ZBTB5: variants seen among roughly 807,000 people sequenced by gnomAD.
ZBTB5 encodes zinc finger and BTB domain-containing protein 5.
A neutral mutation model predicts 37.9 loss-of-function variants in ZBTB5; 15 were observed. That is an observed-to-expected ratio of 0.40 (90% CI 0.26 to 0.61). The LOEUF is 0.61. Ranked by LOEUF, ZBTB5 falls within the 20% of genes least tolerant of loss-of-function variation. The pLI is 0.47. For missense variants in ZBTB5, 708 were observed against 856.8 expected (o/e 0.83, Z 2.17); for synonymous variants, 315 against 312.4 (o/e 1.01, Z -0.09).
Position 37,439,412 on chromosome 9 carries a change from T to C in ZBTB5, c.*1106A>G, listed in dbSNP as rs1253168683. 1 of 152,222 alleles carries C rather than the reference T, an allele frequency of 6.6e-6. No individual in the cohort carries two copies. Among genetic ancestry groups the C allele is most frequent in the African/African-American group, 2.4e-5 (1 of 41,460 alleles). The allele number at this position is 152,222 out of a possible 1,614,324, so 9.4% of individuals were successfully genotyped here. On this transcript the variant is annotated 3_prime_UTR_variant, in exon 2 of 2. Coordinates refer to ENST00000307750, the MANE Select transcript of ZBTB5 (RefSeq NM_014872.3). ...ACAACTTTAAACATTTGGTATCAGA[T>C]TGGGGGAGCAACAAATAATAAAATT...
At position 37,447,477 on chromosome 9, in the gene ZBTB5, T is replaced by G. The variant is rs190670602; in HGVS notation, c.-4-4922A>C. On this transcript the variant is annotated intron_variant, in intron 1 of 1. Coordinates refer to ENST00000307750, the MANE Select transcript of ZBTB5 (RefSeq NM_014872.3). ...AATATATATTTTTTACTGTGCTTTT[T>G]TTTTGAGACAGGGTTTCACCCTGTT... Among the ~76,000 whole-genome samples, 12 of 152,216 alleles carry G rather than the reference T, an allele frequency of 7.9e-5. No homozygotes were observed. The East Asian group carries it at 1.7e-3, about 22-fold the overall frequency.
Position 37,441,051 on chromosome 9 carries a change from G to C in ZBTB5, c.1501C>G (p.Gln501Glu), listed in dbSNP as rs1464264839. ...VQTSGYQGGE[Q>E]FGMDFSRSGL... The stretch of plus-strand genomic sequence containing the variant: ...GACCTGGAAAAGTCCATCCCAAACT[G>C]TTCTCCTCCTTGGTAGCCTGAAGTC... The change falls in exon 2 of 2, where the codon CAG becomes GAG. Residue 501 changes from glutamine (Q) to glutamate (E), a missense_variant. Gln to Glu is a conservative substitution (Grantham distance 29). Around this residue, in one of 3 missense-constraint regions of ZBTB5, gnomAD observed 639 missense variants for 690.5 expected, o/e 0.93. Transcript: ENST00000307750. The C allele has an allele frequency of 1.2e-6, 2 of 1,614,016 alleles. No homozygotes were observed. Among genetic ancestry groups the C allele is most frequent in the East Asian group, 4.5e-5 (2 of 44,890 alleles).
chr9:37,441,163 G>C lies in ZBTB5; in HGVS notation c.1389C>G (p.Gly463=). ...CACTAAATGGGTTCTCTACATGGGA[G>C]CCAGGGGCAGAGGAGGGCCCACCTG... ...GPAGGPSSAP[G]SHVENPFSEP... Residue 463 remains glycine (G), a synonymous_variant, in exon 2 of 2, where the codon GGC becomes GGG. Coordinates refer to ENST00000307750, the MANE Select transcript of ZBTB5 (RefSeq NM_014872.3). 1 of 1,613,946 alleles carries C rather than the reference G, an allele frequency of 6.2e-7. No individual in the cohort carries two copies. The highest frequency in any genetic ancestry group is 8.5e-7 in the Non-Finnish European group (1 of 1,179,902).
At chr9:37,457,106 C>G (rs2118954923) in intron 1 of ZBTB5, among the ~76,000 whole-genome samples, 2 of 152,340 alleles carry the variant, frequency 1.3e-5, no homozygotes, top group Middle Eastern at 3.4e-3. Flanking sequence ...AAAGAGACAG[C>G]TGACCCACTA....
At chr9:37,463,408 A>G (rs772297939) in intron 1 of ZBTB5, among the ~76,000 whole-genome samples, 20 of 152,228 alleles carry the variant, frequency 1.3e-4, no homozygotes, top group Non-Finnish European at 2.6e-4. Context: ...TTTAAAATTA[A>G]TTTACATTAA....
chr9:37,452,155 C>T (rs1175055137), intron 1 of ZBTB5, among the ~76,000 whole-genome samples: 1 of 152,174 alleles, frequency 6.6e-6, no homozygotes, highest in Non-Finnish European at 1.5e-5. Flanking sequence ...TGAACAAGAA[C>T]AGTTTAGAGG....
At chr9:37,461,311 T>C (rs1477839584) in intron 1 of ZBTB5, among the ~76,000 whole-genome samples, 3 of 152,252 alleles carry the variant, frequency 2.0e-5, no homozygotes, top group Non-Finnish European at 2.9e-5. Context: ...TAGAGGAAGA[T>C]GGTTGAGTGG....
Position 37,440,791 on chromosome 9 carries a change from T to C in ZBTB5, c.1761A>G (p.Ala587=). The C allele has an allele frequency of 6.2e-7, 1 of 1,614,234 alleles. No homozygotes were observed. The highest frequency in any genetic ancestry group is 2.2e-5 in the East Asian group (1 of 44,888). The change falls in exon 2 of 2, where the codon GCA becomes GCG. Residue 587 remains alanine, a synonymous_variant. Transcript: ENST00000307750. ...TGCACTTTGACAGAACATCTGCAGA[T>C]GCCCTGGTCAACTGTGGAGGGCCAG... ...SQPGPPQLTR[A]SADVLSKCKK... is the part of the protein sequence containing the mutation.
intron 1 of ZBTB5, among the ~76,000 whole-genome samples, chr9:37,464,307 G>A (rs1824348159): frequency 6.6e-6 from 1 of 152,204 alleles, no homozygotes; most frequent in African/African-American, 2.4e-5. Context: ...ACATGTTTTG[G>A]AATATTTTTG....
chr9:37,440,437 C>A lies in ZBTB5; in HGVS notation c.*81G>T, dbSNP rs1174366398. The A allele has an allele frequency of 4.7e-6, 6 of 1,283,494 alleles. No homozygotes were observed. The highest frequency in any genetic ancestry group is 3.0e-5 in the African/African-American group (2 of 67,484). 79.5% of individuals were successfully genotyped at this position (1,283,494 alleles called of 1,614,324 possible). A position where few individuals can be genotyped will look rare whatever the true frequency, so the allele number is the denominator to read the frequency against. On this transcript the variant is annotated 3_prime_UTR_variant, in exon 2 of 2. Coordinates refer to ENST00000307750, the MANE Select transcript of ZBTB5 (RefSeq NM_014872.3). ...AGAGCCACTGGGCAGCTGGAAGCCT[C>A]GAACCCAAAGGCATTAACTGCTTAC...
rs1564308303 is a variant in ZBTB5, at chr9:37,439,667, A to G, written c.*851T>C. On this transcript the variant is annotated 3_prime_UTR_variant, in exon 2 of 2. Coordinates refer to ENST00000307750, the MANE Select transcript of ZBTB5 (RefSeq NM_014872.3). ...AGGTAAATGTGCCATGGAAGACCCC[A>G]CAAAACATGACTCCACATCAGCAGA... is the stretch of plus-strand genomic sequence containing the variant. 2 of 152,208 alleles carry G rather than the reference A, an allele frequency of 1.3e-5. No individual in the cohort carries two copies. 9.4% of individuals were successfully genotyped at this position (152,208 alleles called of 1,614,324 possible). A position where few individuals can be genotyped will look rare whatever the true frequency, so the allele number is the denominator to read the frequency against.
chr9:37,461,102 GA>G (rs1319345926), intron 1 of ZBTB5, among the ~76,000 whole-genome samples: 19 of 152,134 alleles, frequency 1.2e-4, no homozygotes, highest in Non-Finnish European at 2.8e-4. Context: ...TTGACCTGCA[GA>G]GTTGCTTTTG....
At chr9:37,464,915 G>A (rs1824362973) in intron 1 of ZBTB5, among the ~76,000 whole-genome samples, 1 of 152,250 alleles carries the variant, frequency 6.6e-6, no homozygotes, top group African/African-American at 2.4e-5. Flanking sequence ...CTGGTCCTGA[G>A]GCCTTTCCCA....
chr9:37,443,002 T>C (rs545744718), intron 1 of ZBTB5, among the ~76,000 whole-genome samples: 4 of 152,164 alleles, frequency 2.6e-5, no homozygotes, highest in Non-Finnish European at 5.9e-5. Flanking sequence ...CAGTTATAGA[T>C]GGTAGCAGAT....
Position 37,441,471 on chromosome 9 carries a change from C to T in ZBTB5, c.1081G>A (p.Val361Ile). ...EGSESVEVEG[V>I]VVSAEKIDLS... is the part of the protein sequence containing the mutation. The stretch of plus-strand genomic sequence containing the variant: ...TCTATCTTCTCGGCACTGACCACAA[C>T]TCCTTCCACTTCCACAGACTCGCTG... The change falls in exon 2 of 2, where the codon GTT becomes ATT. Residue 361 changes from valine to isoleucine, a missense_variant. Coordinates refer to ENST00000307750, the MANE Select transcript of ZBTB5 (RefSeq NM_014872.3). 1 of 1,613,390 alleles carries T rather than the reference C, an allele frequency of 6.2e-7. No individual in the cohort carries two copies. Among genetic ancestry groups the T allele is most frequent in the South Asian group, 1.1e-5 (1 of 91,022 alleles).
rs766055179 is a variant in ZBTB5, at chr9:37,442,189, T to C, written c.363A>G (p.Thr121=). ...VVKACKHYLT[T]RTLPMSPPSE... is the part of the protein sequence containing the mutation. ...TGGGGGGAGACATGGGCAGCGTCCT[T>C]GTCGTTAAGTAATGTTTACATGCCT... The change falls in exon 2 of 2, where the codon ACA becomes ACG. Residue 121 remains threonine, a synonymous_variant. Transcript: ENST00000307750. 6.2e-7 allele frequency: 1 copy of C among 1,614,156 alleles called. No individual in the cohort carries two copies. The highest frequency in any genetic ancestry group is 8.5e-7 in the Non-Finnish European group (1 of 1,180,060).
At chr9:37,445,672 G>T (rs1823963415) in intron 1 of ZBTB5, among the ~76,000 whole-genome samples, 1 of 151,996 alleles carries the variant, frequency 6.6e-6, no homozygotes, top group Non-Finnish European at 1.5e-5. Context: ...AAGAAATATG[G>T]AAGTCAATAG....
At position 37,440,566 on chromosome 9, in the gene ZBTB5, A is replaced by C. The variant is rs140850428; in HGVS notation, c.1986T>G (p.Thr662=). ...TGCTGCTCTGCCAGCGCAGGCAGGT[A>C]GTCTTTGAGTGCTTATACAGGTGGC... ...QSSHLYKHSK[T]TCLRWQSSNL... is the part of the protein sequence containing the mutation. The change falls in exon 2 of 2, where the codon ACT becomes ACG. Residue 662 remains threonine (T), a synonymous_variant. Coordinates refer to ENST00000307750, the MANE Select transcript of ZBTB5 (RefSeq NM_014872.3). The C allele has an allele frequency of 1.3e-4, 211 of 1,614,252 alleles. 1 individual carries two copies. In the African/African-American group the frequency reaches 2.5e-3, roughly 19 times the overall value.
chr9:37,456,481 T>A (rs1367139058), intron 1 of ZBTB5, among the ~76,000 whole-genome samples: 1 of 152,180 alleles, frequency 6.6e-6, no homozygotes, highest in African/African-American at 2.4e-5. Context: ...ACAGATTAGT[T>A]CTATAAAACA....
Sources: allele counts gnomAD v4.1 joint callset (sites outside exome capture counted in the v4.1 genomes callset), GRCh38; gene constraint gnomAD v4.1.1; regional missense constraint gnomAD v4.1.1; transcripts MANE v1.5; gene names NCBI Gene and HGNC (gene_info 2026-07-23, HGNC 2026-07-21).